The following MGST1 variants were observed in gnomAD, a reference collection of about 807,000 sequenced individuals.
The protein encoded by MGST1 is microsomal glutathione S-transferase 1, also known as glutathione S-transferase 12.
Under a neutral mutation model 8.9 loss-of-function variants are expected in MGST1, and 5 were observed. The observed-to-expected ratio is 0.56, with a 90% CI of 0.29 to 1.19. The LOEUF (loss-of-function observed/expected upper bound fraction) is 1.19, where lower values mean the gene tolerates loss of function less well. MGST1 is among the 50% of genes most tolerant of loss of function. The pLI is 0.08. For missense variants in MGST1, 182 were observed against 187.4 expected, an observed-to-expected ratio of 0.97 and a Z score of 0.17; for synonymous variants, 54 against 67.8, an observed-to-expected ratio of 0.80 and a Z score of 1.00.
intron 4 of MGST1, among the ~76,000 whole-genome samples, chr12:16,519,205 C>T (rs760144219): frequency 3.3e-5 from 5 of 152,062 alleles, no homozygotes; most frequent in Admixed American, 6.6e-5. Context: ...CCAGAGCTGC[C>T]GTGAAGCATG....
At chr12:16,489,075 A>C (rs576030936) in intron 4 of MGST1, among the ~76,000 whole-genome samples, 2 of 152,120 alleles carry the variant, frequency 1.3e-5, no homozygotes, top group African/African-American at 2.4e-5. Context: ...GTGTCACTGC[A>C]CTCCAGCCTG....
chr12:16,553,465 AAC>A (rs1283199934), intron 4 of MGST1, among the ~76,000 whole-genome samples: 1 of 152,210 alleles, frequency 6.6e-6, no homozygotes, highest in Non-Finnish European at 1.5e-5. Flanking sequence ...TATATAGAGC[AAC>A]AGAGGCAGAG....
intron 1 of MGST1, among the ~76,000 whole-genome samples, chr12:16,424,763 C>T (rs1940870838): frequency 6.6e-6 from 1 of 152,162 alleles, no homozygotes; most frequent in South Asian, 2.1e-4. Context: ...TAAACTGTCA[C>T]CTTGTCATTT....
Position 16,401,417 on chromosome 12 carries a change from G to A in MGST1, n.778+17813G>A, listed in dbSNP as rs1591718015. 1.1e-6 allele frequency: 1 copy of A among 940,018 alleles called. No homozygotes were observed. Among genetic ancestry groups the A allele is most frequent in the East Asian group, 2.4e-5 (1 of 41,862 alleles). The allele number at this position is 940,018 out of a possible 1,614,324, so 58.2% of individuals were successfully genotyped here. ...ATTTTGTTCAGGAGTTCTGGCTTCT[G>A]CTTTTTAGCCACGTCCATGACAGCA... is the stretch of plus-strand genomic sequence containing the variant. On this transcript the variant is annotated intron_variant and non_coding_transcript_variant, in intron 1 of 1. Coordinates refer to the MGST1 transcript ENST00000359720. This position sits in a 1 kb window ranked among gnomAD's most constrained non-coding sequence, Gnocchi z 4.3.
Position 16,537,160 on chromosome 12 carries a change from C to T in MGST1, n.483-52368C>T, listed in dbSNP as rs1314880538. Among the ~76,000 whole-genome samples, 1 of 152,020 alleles carries T rather than the reference C, an allele frequency of 6.6e-6. No homozygotes were observed. The highest frequency in any genetic ancestry group is 1.5e-5 in the Non-Finnish European group (1 of 67,982). On this transcript the variant is annotated intron_variant and non_coding_transcript_variant, in intron 4 of 4. Transcript: ENST00000538857. The surrounding 1 kb of genome is among the most constrained non-coding windows in gnomAD (Gnocchi z 4.6). ...GCTGTTCCAAATGGGGGAAATTGGC[C>T]AAAATAAAGGGATTACAGGGCCCAT... is the stretch of plus-strand genomic sequence containing the variant.
chr12:16,436,243 A>G (rs1319473765), intron 1 of MGST1, among the ~76,000 whole-genome samples: 2 of 152,014 alleles, frequency 1.3e-5, no homozygotes, highest in South Asian at 2.1e-4. Context: ...TGTTTACAAT[A>G]TAAAAAGCAC....
intron 4 of MGST1, among the ~76,000 whole-genome samples, chr12:16,469,178 C>T (rs373075016): frequency 1.3e-5 from 1 of 77,520 alleles, no homozygotes; most frequent in South Asian, 5.1e-4. Flanking sequence ...TGCTCTATTC[C>T]TTTTTTTTTT....
At chr12:16,383,372 GT>G (rs547058996) in exon 1 of MGST1, 73 of 152,240 alleles carry the variant, frequency 4.8e-4, no homozygotes, top group African/African-American at 1.5e-3. Context: ...TTTCTGAGTT[GT>G]TTTCAGTTGG....
rs1216876951 is a variant in MGST1, at chr12:16,497,130, C to T, written n.483-92398C>T. On this transcript the variant is annotated intron_variant and non_coding_transcript_variant, in intron 4 of 4. Coordinates refer to the MGST1 transcript ENST00000538857. The surrounding 1 kb of genome is among the most constrained non-coding windows in gnomAD (Gnocchi z 4.4). ...GCCAGAAGGGAAAAGATGAGAACCA[C>T]TGAATCTGCATCCTTTGCTGTCGGA... Among the ~76,000 whole-genome samples, 1 of 152,154 alleles carries T rather than the reference C, an allele frequency of 6.6e-6. No homozygotes were observed. The highest frequency in any genetic ancestry group is 2.4e-5 in the African/African-American group (1 of 41,446).
intron 3 of MGST1, among the ~76,000 whole-genome samples, chr12:16,373,729 A>G (rs564610185): frequency 3.3e-5 from 5 of 152,208 alleles, no homozygotes; most frequent in African/African-American, 1.2e-4. Context: ...GTGACTAAGA[A>G]CACCACTTTA....
chr12:16,411,141 C>G (rs1166639240), intron 1 of MGST1, among the ~76,000 whole-genome samples: 2 of 152,128 alleles, frequency 1.3e-5, no homozygotes, highest in African/African-American at 4.8e-5. Context: ...TTTCTGGGCA[C>G]TTTTCGCAGC....
chr12:16,511,990 A>G (rs1941580143), intron 4 of MGST1, among the ~76,000 whole-genome samples: 2 of 152,192 alleles, frequency 1.3e-5, no homozygotes, highest in African/African-American at 4.8e-5. Context: ...TGTTTATGTC[A>G]GTCTATATTT....
downstream of MGST1, among the ~76,000 whole-genome samples, chr12:16,592,295 G>A (rs539812699): frequency 1.3e-5 from 2 of 152,050 alleles, no homozygotes; most frequent in African/African-American, 2.4e-5. Flanking sequence ...GGGTTGCACC[G>A]TGAAAGAAGA....
upstream of MGST1, among the ~76,000 whole-genome samples, chr12:16,382,671 G>T (rs1226152269): frequency 2.0e-5 from 3 of 152,200 alleles, no homozygotes; most frequent in East Asian, 5.8e-4. Flanking sequence ...AAAGCTGTCA[G>T]ACAGGGACTT....
intron 4 of MGST1, among the ~76,000 whole-genome samples, chr12:16,524,139 T>A (rs911762664): frequency 2.6e-5 from 4 of 152,050 alleles, no homozygotes; most frequent in Admixed American, 6.6e-5. Context: ...TTTTATTAGC[T>A]GGTATCAGAG....
intron 4 of MGST1, chr12:16,514,074 A>G (rs911075697): frequency 2.6e-6 from 1 of 377,888 alleles, no homozygotes; most frequent in South Asian, 2.5e-5. Context: ...AAATAGCAAC[A>G]GTGGTGAAGA....
chr12:16,516,289 C>T (rs1224583392), intron 4 of MGST1, among the ~76,000 whole-genome samples: 2 of 152,180 alleles, frequency 1.3e-5, no homozygotes, highest in Non-Finnish European at 2.9e-5. Flanking sequence ...ATTAGTCTTT[C>T]CAGTAGGTTA....
chr12:16,518,615 G>A (rs1024845), intron 4 of MGST1, among the ~76,000 whole-genome samples: 149,953 of 152,274 alleles, frequency 0.98, 73,881 homozygotes, highest in East Asian at 1. Flanking sequence ...TCTGAAACAT[G>A]TAGAAAACTC....
intron 1 of MGST1, chr12:16,402,346 T>G: frequency 6.2e-7 from 1 of 1,601,618 alleles, no homozygotes; most frequent in Non-Finnish European, 8.6e-7. Flanking sequence ...CATACTCATC[T>G]TCTCCTTTCT....
Sources: allele counts gnomAD v4.1 joint callset (sites outside exome capture counted in the v4.1 genomes callset), GRCh38; gene constraint gnomAD v4.1.1; non-coding constraint Gnocchi (gnomAD v3.1); transcripts MANE v1.5; gene names NCBI Gene and HGNC (gene_info 2026-07-23, HGNC 2026-07-21).